DLGAP2: variants seen among roughly 807,000 people sequenced by gnomAD.
DLGAP2 encodes disks large-associated protein 2.
DLGAP2 carries 26 observed loss-of-function variants against 100.3 expected under a neutral mutation model. The observed-to-expected ratio is 0.26, with a 90% CI of 0.19 to 0.36. The LOEUF is 0.36. Ranked by LOEUF, DLGAP2 falls within the 10% of genes least tolerant of loss-of-function variation. The pLI, the probability that DLGAP2 is intolerant of heterozygous loss-of-function variation, is 1.00. For synonymous variants in DLGAP2, 886 were observed against 630.1 expected (o/e 1.41, Z -6.08); for missense variants, 1,858 against 1,453.2 (o/e 1.28, Z -4.53).
chr8:949,010 C>T (rs918264728), intron 2 of DLGAP2, among the ~76,000 whole-genome samples: 3 of 151,514 alleles, frequency 2.0e-5, no homozygotes, highest in Admixed American at 1.3e-4. Flanking sequence ...CAGGACCTGT[C>T]GGGGTGGCTG....
intron 2 of DLGAP2, among the ~76,000 whole-genome samples, chr8:1,224,477 A>G (rs555840617): frequency 2.0e-5 from 3 of 152,322 alleles, no homozygotes; most frequent in Admixed American, 1.3e-4. Context: ...TGTTTATTTC[A>G]TCTCAAAACT....
At chr8:1,698,494 C>T (rs1270493010) in intron 14 of DLGAP2, among the ~76,000 whole-genome samples, 1 of 147,538 alleles carries the variant, frequency 6.8e-6, no homozygotes, top group African/African-American at 2.7e-5. Context: ...TGGGACTAGG[C>T]AGGTCCACGT....
chr8:1,219,446 C>T (rs1798274609), intron 2 of DLGAP2, among the ~76,000 whole-genome samples: 1 of 152,170 alleles, frequency 6.6e-6, no homozygotes, highest in South Asian at 2.1e-4. Flanking sequence ...ACCAAACTTG[C>T]ATCCAGGAAT....
intron 1 of DLGAP2, among the ~76,000 whole-genome samples, chr8:798,277 G>A (rs996870758): frequency 2.7e-5 from 4 of 149,280 alleles, no homozygotes; most frequent in Non-Finnish European, 6.0e-5. Flanking sequence ...AGGACCTGCA[G>A]CCCCGTGCCC....
chr8:809,815 C>T (rs746947016), intron 1 of DLGAP2, among the ~76,000 whole-genome samples: 20 of 152,170 alleles, frequency 1.3e-4, no homozygotes, highest in Non-Finnish European at 2.2e-4. Context: ...GATGAGTTTT[C>T]TCTGTTTCTT....
intron 3 of DLGAP2, among the ~76,000 whole-genome samples, chr8:1,305,767 C>G (rs1241086234): frequency 6.6e-6 from 1 of 152,182 alleles, no homozygotes; most frequent in Non-Finnish European, 1.5e-5. Context: ...TTCAGTAAAT[C>G]AGGACATTCG....
chr8:1,678,610 G>C lies in DLGAP2; in HGVS notation c.2685G>C (p.Glu895Asp). The change falls in exon 12 of 15, where the codon GAG becomes GAC. Residue 895 changes from glutamate (E) to aspartate (D), a missense_variant. By Grantham distance (45) the Glu-to-Asp change is conservative. Transcript: ENST00000637795. ...WCKEMEREAEENDLSEEILGK... is the reference protein window; with the variant it reads ...WCKEMEREAEDNDLSEEILGK... Reference sequence around the variant, plus strand: ...AAGAGATGGAGAGAGAGGCGGAGGAGAACGACCTCTCGGAGGAAAGTAAGA... The same window carrying C: ...AAGAGATGGAGAGAGAGGCGGAGGACAACGACCTCTCGGAGGAAAGTAAGA... The C allele has an allele frequency of 6.4e-7, 1 of 1,556,002 alleles. No individual in the cohort carries two copies.
intron 3 of DLGAP2, among the ~76,000 whole-genome samples, chr8:1,328,204 T>C (rs987288440): frequency 6.6e-6 from 1 of 151,986 alleles, no homozygotes; most frequent in Admixed American, 6.6e-5. Flanking sequence ...CACACCTGGC[T>C]AATTTTTTTA....
At chr8:1,307,371 A>C (rs1451840630) in intron 3 of DLGAP2, among the ~76,000 whole-genome samples, 2 of 152,218 alleles carry the variant, frequency 1.3e-5, no homozygotes, top group Admixed American at 6.5e-5. Context: ...AGAAAAGAAC[A>C]GGTGTTGGCA....
At chr8:1,243,370 A>T (rs1279662881) in intron 2 of DLGAP2, among the ~76,000 whole-genome samples, 2 of 152,114 alleles carry the variant, frequency 1.3e-5, no homozygotes, top group African/African-American at 4.8e-5. Flanking sequence ...ATACACCTAC[A>T]AACCCAGACA....
rs776190929 is a variant in DLGAP2 at position 1,013,755 on chromosome 8, CGGT to C, written c.73+105791_73+105793del. Among the ~76,000 whole-genome samples the C allele has an allele frequency of 3.4e-4, 6 of 17,828 alleles. No homozygotes were observed. The African/African-American group carries it at 4.3e-3, about 13-fold the overall frequency. The allele number at this position is 17,828 out of a possible 152,430, so 11.7% of individuals were successfully genotyped here. A position where few individuals can be genotyped will look rare whatever the true frequency, so the allele number is the denominator to read the frequency against. ...CCACTGTGTGTGTGACCAGGACAGA[CGGT>C]GCCTCCACTGTGTGTGTGACCAGGA... On this transcript the variant is annotated intron_variant, in intron 2 of 14. Coordinates refer to ENST00000637795, the MANE Select transcript of DLGAP2 (RefSeq NM_001346810.2).
intron 2 of DLGAP2, among the ~76,000 whole-genome samples, chr8:1,075,410 G>A (rs1231367841): frequency 6.6e-6 from 1 of 152,118 alleles, no homozygotes; most frequent in South Asian, 2.1e-4. Context: ...GGCTCCCAGA[G>A]CCCCTTTGTC....
At chr8:835,522 T>A (rs1199904536) in intron 1 of DLGAP2, among the ~76,000 whole-genome samples, 1 of 151,494 alleles carries the variant, frequency 6.6e-6, no homozygotes, top group Non-Finnish European at 1.5e-5. Flanking sequence ...ATTTCAGGGT[T>A]TTGGTGGTGG....
At chr8:1,409,053 G>A (rs961166038) in intron 3 of DLGAP2, among the ~76,000 whole-genome samples, 1 of 152,190 alleles carries the variant, frequency 6.6e-6, no homozygotes, top group African/African-American at 2.4e-5. Flanking sequence ...GTGGACCACT[G>A]CCCAACCCCT....
At chr8:835,044 C>T (rs1489490301) in intron 1 of DLGAP2, among the ~76,000 whole-genome samples, 2 of 152,110 alleles carry the variant, frequency 1.3e-5, no homozygotes, top group Admixed American at 1.3e-4. Context: ...TTACTGCTCA[C>T]ATGTGTGCAC....
intron 2 of DLGAP2, among the ~76,000 whole-genome samples, chr8:953,943 A>G (rs1025125324): frequency 2.0e-5 from 3 of 152,166 alleles, no homozygotes; most frequent in East Asian, 3.8e-4. Flanking sequence ...TTAAACTGCA[A>G]GTGTTTGCTG....
At chr8:1,538,129 C>G (rs1363135228) in intron 4 of DLGAP2, among the ~76,000 whole-genome samples, 2 of 152,194 alleles carry the variant, frequency 1.3e-5, no homozygotes, top group Non-Finnish European at 2.9e-5. Context: ...ACTCATGTCC[C>G]ATGCAGCATG....
intron 2 of DLGAP2, among the ~76,000 whole-genome samples, chr8:912,825 C>G (rs1183093216): frequency 6.6e-6 from 1 of 150,874 alleles, no homozygotes; most frequent in African/African-American, 2.4e-5. Context: ...ACCACAGTGT[C>G]CATCTTCCTC....
intron 5 of DLGAP2, among the ~76,000 whole-genome samples, chr8:1,558,579 C>A (rs1472229666): frequency 1.4e-4 from 22 of 151,944 alleles, no homozygotes; most frequent in Admixed American, 1.4e-3. Flanking sequence ...CACACATACA[C>A]ACATAGGCAT....
Sources: gnomAD v4.1 joint callset for allele counts (sites outside exome capture counted in the v4.1 genomes callset) on GRCh38, gnomAD v4.1.1 for gene constraint, MANE v1.5 for transcripts, NCBI Gene and HGNC (gene_info 2026-07-23, HGNC 2026-07-21) for gene names.